Variants in EPDR1 observed in about 807,000 individuals in gnomAD.
The protein encoded by EPDR1 is ependymin related 1.
Under a neutral mutation model 23.7 loss-of-function variants are expected in EPDR1, and 27 were observed. That is an observed-to-expected ratio of 1.14 (90% CI 0.84 to 1.57). The LOEUF (loss-of-function observed/expected upper bound fraction) is 1.57, where lower values mean the gene tolerates loss of function less well. Ranked by LOEUF, EPDR1 falls within the 40% of genes most tolerant of loss-of-function variation. The pLI, the probability that EPDR1 is intolerant of heterozygous loss-of-function variation, is 0.00. For missense variants in EPDR1, 349 were observed against 290.4 expected (o/e 1.20, Z -1.47); for synonymous variants, 137 against 118.2 (o/e 1.16, Z -1.03).
At chr7:37,927,788 T>G (rs569004306) in intron 1 of EPDR1, among the ~76,000 whole-genome samples, 1 of 152,360 alleles carries the variant, frequency 6.6e-6, no homozygotes, top group South Asian at 2.1e-4. Flanking sequence ...ATTAAGAGCA[T>G]GACTTCTCCT....
At position 37,920,662 on chromosome 7, in the gene EPDR1, G is replaced by A. The variant is rs751021680; in HGVS notation, c.-278G>A. 2 of 740,098 alleles carry A rather than the reference G, an allele frequency of 2.7e-6. No homozygotes were observed. Among genetic ancestry groups the A allele is most frequent in the South Asian group, 3.3e-5 (2 of 61,176 alleles). 45.8% of individuals were successfully genotyped at this position (740,098 alleles called of 1,614,324 possible). A position where few individuals can be genotyped will look rare whatever the true frequency, so the allele number is the denominator to read the frequency against. On this transcript the variant is annotated 5_prime_UTR_variant, in exon 1 of 3. Transcript: ENST00000199448. ...AGCAGTGAAAACCGAAGCGGCAGAA[G>A]GCAGTGGCAGCAGGCAGTGGCAGCA...
chr7:37,948,823 T>C lies in EPDR1; in HGVS notation c.270-17T>C. On this transcript the variant is annotated splice_polypyrimidine_tract_variant and intron_variant, in intron 1 of 2. Coordinates refer to ENST00000199448, the MANE Select transcript of EPDR1 (RefSeq NM_017549.5). ...TAACATGAAGTCCCAAACTACTTCTTTCCATCTGTGTTTCAGATTATTTGA... is the reference window on the plus strand; with the variant it reads ...TAACATGAAGTCCCAAACTACTTCTCTCCATCTGTGTTTCAGATTATTTGA... The C allele has an allele frequency of 6.2e-7, 1 of 1,608,530 alleles. No individual in the cohort carries two copies. The highest frequency in any genetic ancestry group is 8.5e-7 in the Non-Finnish European group (1 of 1,175,198).
At chr7:37,941,982 C>T (rs1202149271) in intron 1 of EPDR1, among the ~76,000 whole-genome samples, 1 of 151,968 alleles carries the variant, frequency 6.6e-6, no homozygotes, top group Admixed American at 6.5e-5. Flanking sequence ...TCCAACTGTT[C>T]TGCATATTTA....
chr7:37,940,353 G>C (rs1786146502), intron 1 of EPDR1, among the ~76,000 whole-genome samples: 1 of 152,104 alleles, frequency 6.6e-6, no homozygotes, highest in Non-Finnish European at 1.5e-5. Flanking sequence ...ACCATTTTCT[G>C]TCATTTTGAG....
chr7:37,941,068 G>A (rs1420028286), intron 1 of EPDR1, among the ~76,000 whole-genome samples: 1 of 152,126 alleles, frequency 6.6e-6, no homozygotes, highest in Non-Finnish European at 1.5e-5. Flanking sequence ...ACTTGAAGGA[G>A]CTCCCTCTGG....
chr7:37,927,460 C>T (rs1014296990), intron 1 of EPDR1, among the ~76,000 whole-genome samples: 17 of 152,160 alleles, frequency 1.1e-4, no homozygotes, highest in Non-Finnish European at 1.5e-5. Context: ...GGTAACCAGT[C>T]ATGTATCATT....
At chr7:37,935,342 C>T (rs1291463469) in intron 1 of EPDR1, among the ~76,000 whole-genome samples, 9 of 152,128 alleles carry the variant, frequency 5.9e-5, no homozygotes, top group Non-Finnish European at 8.8e-5. Flanking sequence ...TTCTTTGTTA[C>T]GTAGTAGAGC....
At chr7:37,936,677 G>T (rs569865982) in intron 1 of EPDR1, among the ~76,000 whole-genome samples, 52 of 152,166 alleles carry the variant, frequency 3.4e-4, no homozygotes, top group Non-Finnish European at 6.3e-4. Context: ...CAATAACCTT[G>T]CTAGAATGAT....
intron 1 of EPDR1, chr7:37,926,790 T>C (rs145561351): frequency 2.4e-6 from 1 of 424,202 alleles, no homozygotes; most frequent in Non-Finnish European, 4.8e-6. Context: ...AAATGATACA[T>C]TTTTTCTTTT....
Position 37,945,939 on chromosome 7 carries a change from T to C in EPDR1, c.270-2901T>C, listed in dbSNP as rs192863298. ...TCCCCGACGCGTCCATTTGTTCTCA[T>C]CATTCAGCTCCCGCTTATAAGTGAG... On this transcript the variant is annotated intron_variant, in intron 1 of 2. Coordinates refer to ENST00000199448, the MANE Select transcript of EPDR1 (RefSeq NM_017549.5). Among the ~76,000 whole-genome samples, 7 of 148,216 alleles carry C rather than the reference T, an allele frequency of 4.7e-5. No individual in the cohort carries two copies. In the East Asian group the frequency reaches 7.7e-4, roughly 16 times the overall value.
chr7:37,939,370 T>C (rs1786124691), intron 1 of EPDR1, among the ~76,000 whole-genome samples: 1 of 152,206 alleles, frequency 6.6e-6, no homozygotes, highest in Admixed American at 6.5e-5. Flanking sequence ...TCCTACCTTT[T>C]TAAAATGAGT....
chr7:37,942,827 C>T (rs557993086), intron 1 of EPDR1, among the ~76,000 whole-genome samples: 7 of 152,064 alleles, frequency 4.6e-5, no homozygotes, highest in African/African-American at 9.7e-5. Flanking sequence ...CCCAGATTTT[C>T]GGTGTTTCAG....
intron 1 of EPDR1, among the ~76,000 whole-genome samples, chr7:37,948,095 T>C (rs892906184): frequency 5.9e-5 from 9 of 152,200 alleles, no homozygotes; most frequent in African/African-American, 1.9e-4. Context: ...ACTCGGTCCA[T>C]CCAGTCCTCA....
At chr7:37,940,585 A>G (rs1251702543) in intron 1 of EPDR1, among the ~76,000 whole-genome samples, 3 of 152,202 alleles carry the variant, frequency 2.0e-5, no homozygotes, top group African/African-American at 7.2e-5. Flanking sequence ...ACTACAATGA[A>G]ATCTTAAACT....
chr7:37,920,726 C>G lies in EPDR1; in HGVS notation c.-214C>G. ...GCAGAAATAGCTCCCGCGCGATTCACTGGAGCCTTCCCCGGGCCCTGGTCC... is the reference window on the plus strand; with the variant it reads ...GCAGAAATAGCTCCCGCGCGATTCAGTGGAGCCTTCCCCGGGCCCTGGTCC... On this transcript the variant is annotated 5_prime_UTR_variant, in exon 1 of 3. Transcript: ENST00000199448. 2.5e-6 allele frequency: 4 copies of G among 1,608,592 alleles called. No homozygotes were observed. The highest frequency in any genetic ancestry group is 3.4e-6 in the Non-Finnish European group (4 of 1,177,036).
Position 37,920,908 on chromosome 7 carries a change from G to C in EPDR1, c.-32G>C, listed in dbSNP as rs745880649. On this transcript the variant is annotated 5_prime_UTR_variant, in exon 1 of 3. Coordinates refer to ENST00000199448, the MANE Select transcript of EPDR1 (RefSeq NM_017549.5). ...CGCCTCAGCGCCCCCTTGGGCTTGGGCTTGCCCTCGGGCCGGGGAAGGCTG... is the reference window on the plus strand; with the variant it reads ...CGCCTCAGCGCCCCCTTGGGCTTGGCCTTGCCCTCGGGCCGGGGAAGGCTG... 1 of 1,611,170 alleles carries C rather than the reference G, an allele frequency of 6.2e-7. No homozygotes were observed. The highest frequency in any genetic ancestry group is 8.5e-7 in the Non-Finnish European group (1 of 1,179,236).
intron 1 of EPDR1, among the ~76,000 whole-genome samples, chr7:37,945,878 C>G (rs1208677571): frequency 6.6e-6 from 1 of 152,286 alleles, no homozygotes; most frequent in South Asian, 2.1e-4. Flanking sequence ...CTCCCCCTCC[C>G]CCAAGCTCCA....
rs775328126 is a variant in EPDR1, at chr7:37,950,184, T to G, written c.479-16T>G. On this transcript the variant is annotated splice_polypyrimidine_tract_variant and intron_variant, in intron 2 of 2. Transcript: ENST00000199448. ...CTGTCTTCTTTATTTAAAAGTCAAC[T>G]TTTTTCCTCTTATAGATGAAACCTG... 3 of 1,569,550 alleles carry G rather than the reference T, an allele frequency of 1.9e-6. No homozygotes were observed. The highest frequency in any genetic ancestry group is 1.7e-6 in the Non-Finnish European group (2 of 1,151,468).
In EPDR1 at chr7:37,921,053, C is replaced by T; in HGVS notation, c.114C>T (p.Ala38=). The T allele has an allele frequency of 6.5e-7, 1 of 1,541,972 alleles. No individual in the cohort carries two copies. The highest frequency in any genetic ancestry group is 8.7e-7 in the Non-Finnish European group (1 of 1,149,762). Residue 38 remains alanine (A), a synonymous_variant, in exon 1 of 3, where the codon GCC becomes GCT. Transcript: ENST00000199448. Reference sequence around the variant, plus strand: ...TGTGCAGCCTGGGGGCGGTGGGAGCCCCGCGCCCGTGCCAGGCGCCGCAGC... The same window carrying T: ...TGTGCAGCCTGGGGGCGGTGGGAGCTCCGCGCCCGTGCCAGGCGCCGCAGC... ...CGLCSLGAVG[A]PRPCQAPQQW...
Sources: allele counts gnomAD v4.1 joint callset (sites outside exome capture counted in the v4.1 genomes callset), GRCh38; gene constraint gnomAD v4.1.1; transcripts MANE v1.5; gene names NCBI Gene and HGNC (gene_info 2026-07-23, HGNC 2026-07-21).